EYS: variants seen among roughly 807,000 people sequenced by gnomAD.
EYS encodes EGF-like photoreceptor maintenance factor, also known as protein eyes shut homolog.
A neutral mutation model predicts 282.1 loss-of-function variants in EYS; 250 were observed. That is an observed-to-expected ratio of 0.89 (90% CI 0.80 to 0.98). The LOEUF (loss-of-function observed/expected upper bound fraction) is 0.98, where lower values mean the gene tolerates loss of function less well. Ranked by LOEUF, EYS falls within the 50% of genes least tolerant of loss-of-function variation. The pLI is 0.00. For missense variants in EYS, 4,016 were observed against 3,709.0 expected (o/e 1.08, Z -2.15); for synonymous variants, 1,355 against 1,282.9 (o/e 1.06, Z -1.20).
At chr6:64,028,504 T>C (rs944989787) in intron 33 of EYS, among the ~76,000 whole-genome samples, 9 of 152,188 alleles carry the variant, frequency 5.9e-5, no homozygotes, top group Non-Finnish European at 1.2e-4. Flanking sequence ...AACCCCTATA[T>C]CCTGCTCTCT....
At chr6:65,500,014 T>TA (rs1272564630) in intron 2 of EYS, among the ~76,000 whole-genome samples, 1 of 150,538 alleles carries the variant, frequency 6.6e-6, no homozygotes, top group Non-Finnish European at 1.5e-5. Context: ...ATAAAAAGAG[T>TA]AAAAAATAAA....
chr6:64,735,304 C>T (rs1772150923), intron 22 of EYS, among the ~76,000 whole-genome samples: 1 of 152,142 alleles, frequency 6.6e-6, no homozygotes, highest in Admixed American at 6.5e-5. Context: ...AGGATGGTCT[C>T]GATCTCCTGA....
chr6:65,189,144 A>G (rs897154414), intron 12 of EYS, among the ~76,000 whole-genome samples: 3 of 151,582 alleles, frequency 2.0e-5, no homozygotes, highest in African/African-American at 7.3e-5. Flanking sequence ...GTAATGTGAA[A>G]ATTTTTTAAA....
intron 31 of EYS, among the ~76,000 whole-genome samples, chr6:64,147,539 A>T (rs1342995127): frequency 2.6e-5 from 4 of 152,208 alleles, no homozygotes; most frequent in Non-Finnish European, 4.4e-5. Context: ...AGGCTATTAC[A>T]TAGATGAGGG....
At chr6:64,320,197 T>C (rs1270628928) in intron 29 of EYS, among the ~76,000 whole-genome samples, 1 of 151,996 alleles carries the variant, frequency 6.6e-6, no homozygotes, top group Admixed American at 6.6e-5. Flanking sequence ...TTAGGTTTTA[T>C]TAAGATTATT....
intron 2 of EYS, among the ~76,000 whole-genome samples, chr6:65,546,709 T>C (rs1315666887): frequency 6.6e-6 from 1 of 151,964 alleles, no homozygotes; most frequent in East Asian, 1.9e-4. Context: ...GTAACTGGGA[T>C]TACAGGCGCC....
In EYS at chr6:65,405,965, A is replaced by G. The variant is rs185227301; in HGVS notation, c.863-598T>C. Among the ~76,000 whole-genome samples the G allele has an allele frequency of 4.0e-3, 614 of 152,186 alleles. 5 individuals carry two copies. The highest frequency in any genetic ancestry group is 0.014 in the African/African-American group (581 of 41,562). On this transcript the variant is annotated intron_variant, in intron 5 of 42. Transcript: ENST00000503581. ...GTGGAATTGCTGGATTTTATGGAAA[A>G]TTCATGTTTAATATTTTAGGAAACT...
intron 1 of EYS, among the ~76,000 whole-genome samples, chr6:65,703,983 G>T (rs1005545493): frequency 1.3e-5 from 2 of 152,082 alleles, no homozygotes; most frequent in African/African-American, 4.8e-5. Context: ...CGAATTGAAA[G>T]TGGGGGTCGC....
chr6:64,668,641 C>T (rs372916498), intron 22 of EYS, among the ~76,000 whole-genome samples: 7 of 150,896 alleles, frequency 4.6e-5, no homozygotes, highest in East Asian at 3.9e-4. Context: ...CTCGGCTCAC[C>T]GCAAGCTCGG....
intron 12 of EYS, among the ~76,000 whole-genome samples, chr6:65,068,731 T>C (rs1172801255): frequency 6.6e-6 from 1 of 151,996 alleles, no homozygotes; most frequent in Non-Finnish European, 1.5e-5. Flanking sequence ...TGTCAGAAAA[T>C]GTTACCAATT....
At chr6:64,008,735 C>A (rs1217228280) in intron 33 of EYS, among the ~76,000 whole-genome samples, 1 of 152,142 alleles carries the variant, frequency 6.6e-6, no homozygotes, top group Non-Finnish European at 1.5e-5. Context: ...CTTAGTTTAA[C>A]TGAGTGTGAA....
chr6:63,778,006 TA>T lies in EYS; in HGVS notation c.7897del (p.Tyr2633ThrfsTer49). 6.4e-7 allele frequency: 1 copy of T among 1,551,570 alleles called. No homozygotes were observed. The highest frequency in any genetic ancestry group is 8.7e-7 in the Non-Finnish European group (1 of 1,146,836). On this transcript the variant is annotated frameshift_variant and splice_region_variant, in exon 40 of 43. Transcript: ENST00000503581. LOFTEE classifies it high-confidence loss of function. Reference sequence around the variant, plus strand: ...TCATTCCTAATAACGTCATACTTACTAAACACTAGTTCCACTCTCTATGCAT... The same window carrying T: ...TCATTCCTAATAACGTCATACTTACTAACACTAGTTCCACTCTCTATGCAT... ...GTCIESGTSV[Y>X]CNCTTGWKGS...
chr6:63,828,930 AG>A (rs1771548395), intron 36 of EYS, among the ~76,000 whole-genome samples: 1 of 152,252 alleles, frequency 6.6e-6, no homozygotes, highest in Admixed American at 6.5e-5. Flanking sequence ...GATTCCTTAA[AG>A]AACTAAAAGT....
chr6:64,695,151 G>A (rs1770530812), intron 22 of EYS, among the ~76,000 whole-genome samples: 1 of 151,956 alleles, frequency 6.6e-6, no homozygotes, highest in Non-Finnish European at 1.5e-5. Context: ...CCACCCTAGA[G>A]GCAGAGCATA....
At chr6:64,173,707 A>G (rs57097971) in intron 31 of EYS, among the ~76,000 whole-genome samples, 6,647 of 152,238 alleles carry the variant, frequency 0.044, 348 homozygotes, top group African/African-American at 0.12. Flanking sequence ...GGGTTCGATT[A>G]ATCATTTCAC....
intron 31 of EYS, among the ~76,000 whole-genome samples, chr6:64,159,485 G>A (rs148941212): frequency 3.4e-5 from 5 of 148,866 alleles, no homozygotes; most frequent in African/African-American, 4.9e-5. Context: ...GCGTGAACCC[G>A]GGAGGCGGAG....
chr6:64,098,194 C>T (rs182919975), intron 31 of EYS, among the ~76,000 whole-genome samples: 187 of 152,146 alleles, frequency 1.2e-3, no homozygotes, highest in South Asian at 7.0e-3. Flanking sequence ...CAAATGTACT[C>T]AAGGAAGCAT....
intron 2 of EYS, among the ~76,000 whole-genome samples, chr6:65,549,273 C>T (rs927842679): frequency 7.9e-5 from 12 of 152,170 alleles, no homozygotes; most frequent in Admixed American, 2.0e-4. Flanking sequence ...TTAACTAAAC[C>T]TAATGCAGAG....
At chr6:64,432,790 C>G (rs1774615892) in intron 28 of EYS, among the ~76,000 whole-genome samples, 1 of 151,914 alleles carries the variant, frequency 6.6e-6, no homozygotes, top group East Asian at 1.9e-4. Context: ...AATGCTCACC[C>G]ATTTGCATTT....
Sources: allele counts gnomAD v4.1 joint callset (sites outside exome capture counted in the v4.1 genomes callset), GRCh38; gene constraint gnomAD v4.1.1; transcripts MANE v1.5; gene names NCBI Gene and HGNC (gene_info 2026-07-23, HGNC 2026-07-21).